The following PATJ variants were observed in gnomAD, a reference collection of about 807,000 sequenced individuals.
PATJ encodes the protein PATJ crumbs cell polarity complex component.
PATJ carries 190 observed loss-of-function variants against 224.9 expected under a neutral mutation model. The observed-to-expected ratio is 0.84, with a 90% CI of 0.75 to 0.95. The LOEUF (loss-of-function observed/expected upper bound fraction) is 0.95, where lower values mean the gene tolerates loss of function less well. Among genes scored for constraint, PATJ ranks in the 40% least tolerant of loss-of-function variants. The pLI, the probability that PATJ is intolerant of heterozygous loss-of-function variation, is 0.00. For missense variants in PATJ, 2,121 were observed against 2,270.3 expected (o/e 0.93, Z 1.34); for synonymous variants, 769 against 820.3 (o/e 0.94, Z 1.07).
At position 61,949,070 on chromosome 1, in the gene PATJ, C is replaced by T. The variant is rs570923523; in HGVS notation, c.3670+21241C>T. On this transcript the variant is annotated intron_variant, in intron 27 of 43. Coordinates refer to ENST00000642238, the MANE Select transcript of PATJ (RefSeq NM_001350145.3). ...CACACACTGGGGTCTGTTGTGGGGT[C>T]GGCGGGGAGCGGGGAGGGATTGCAT... Among the ~76,000 whole-genome samples, 26 of 73,520 alleles carry T rather than the reference C, an allele frequency of 3.5e-4. 2 individuals are homozygous for T. Among genetic ancestry groups the T allele is most frequent in the African/African-American group, 1.1e-3 (19 of 17,592 alleles). 48.2% of individuals were successfully genotyped at this position (73,520 alleles called of 152,430 possible). A position where few individuals can be genotyped will look rare whatever the true frequency, so the allele number is the denominator to read the frequency against.
intron 29 of PATJ, among the ~76,000 whole-genome samples, chr1:62,022,943 G>A (rs1426393502): frequency 1.3e-5 from 2 of 152,144 alleles, no homozygotes; most frequent in East Asian, 3.8e-4. Context: ...GTGAATGCCA[G>A]AGTCATCTTA....
chr1:62,101,682 A>T (rs763984699), intron 33 of PATJ, among the ~76,000 whole-genome samples: 4 of 152,206 alleles, frequency 2.6e-5, no homozygotes, highest in Admixed American at 6.5e-5. Flanking sequence ...TAAGTGTTTA[A>T]TTGTGGAATA....
chr1:62,012,038 G>A (rs554336314), intron 28 of PATJ, among the ~76,000 whole-genome samples: 8 of 149,862 alleles, frequency 5.3e-5, no homozygotes, highest in Non-Finnish European at 8.9e-5. Context: ...AAAAAAAAAA[G>A]CAAGCAAAAA....
chr1:61,914,332 T>C (rs1417917166), intron 25 of PATJ, among the ~76,000 whole-genome samples: 3 of 152,110 alleles, frequency 2.0e-5, no homozygotes, highest in Admixed American at 6.5e-5. Context: ...GGCAGGCGCC[T>C]ATTACCCCAG....
At chr1:61,791,898 A>G (rs1649946963) in intron 9 of PATJ, among the ~76,000 whole-genome samples, 1 of 152,224 alleles carries the variant, frequency 6.6e-6, no homozygotes, top group Non-Finnish European at 1.5e-5. Flanking sequence ...TGAAAGAAAT[A>G]AACTATGAGA....
At chr1:61,785,200 A>T (rs1351288113) in intron 7 of PATJ, among the ~76,000 whole-genome samples, 1 of 152,218 alleles carries the variant, frequency 6.6e-6, no homozygotes, top group Non-Finnish European at 1.5e-5. Context: ...GGATTAACCC[A>T]GTAGTCATTG....
At chr1:62,007,651 T>C (rs904497800) in intron 28 of PATJ, among the ~76,000 whole-genome samples, 25 of 152,218 alleles carry the variant, frequency 1.6e-4, no homozygotes, top group African/African-American at 6.0e-4. Context: ...GGGCTGACCA[T>C]AGACATCTAT....
chr1:62,102,090 G>A (rs537225049), intron 33 of PATJ, among the ~76,000 whole-genome samples: 1 of 152,130 alleles, frequency 6.6e-6, no homozygotes, highest in East Asian at 1.9e-4. Flanking sequence ...GAGGTGAGAG[G>A]ATCACTTGAG....
intron 28 of PATJ, among the ~76,000 whole-genome samples, chr1:61,997,997 T>TATATATATAA (rs1228165601): frequency 1.7e-4 from 19 of 110,980 alleles, no homozygotes; most frequent in African/African-American, 6.1e-4. Flanking sequence ...TATGTATATA[T>TATATATATAA]AATATATTAT....
chr1:62,087,950 G>A (rs1016991332), intron 33 of PATJ, among the ~76,000 whole-genome samples: 36 of 149,784 alleles, frequency 2.4e-4, no homozygotes, highest in African/African-American at 8.7e-4. Flanking sequence ...GAAGTGAAAT[G>A]GTGCAATCTC....
Position 62,073,137 on chromosome 1 carries a change from G to A in PATJ, c.4126-6313G>A, listed in dbSNP as rs116020115. 1,787 of 985,300 alleles carry A rather than the reference G, an allele frequency of 1.8e-3. 24 individuals carry two copies. In the African/African-American group the frequency reaches 0.029, roughly 16 times the overall value. 61.0% of individuals were successfully genotyped at this position (985,300 alleles called of 1,614,324 possible). On this transcript the variant is annotated intron_variant, in intron 31 of 43. Transcript: ENST00000642238. ...TTAGGTTTTGCTCTTCTGGGGTTGC[G>A]TGCGTTATAGACCGGGTTCCAAAAG...
At chr1:61,834,065 T>C (rs1659780692) in intron 17 of PATJ, among the ~76,000 whole-genome samples, 2 of 152,204 alleles carry the variant, frequency 1.3e-5, no homozygotes, top group South Asian at 2.1e-4. Context: ...TGGAGGACTT[T>C]TGTTCCTCAG....
chr1:61,868,548 G>A (rs1428698227), intron 20 of PATJ, among the ~76,000 whole-genome samples: 1 of 152,138 alleles, frequency 6.6e-6, no homozygotes, highest in Admixed American at 6.5e-5. Context: ...TAGCACTTTG[G>A]GAGGCCAAGG....
At chr1:62,059,917 A>G (rs1220525596) in intron 31 of PATJ, among the ~76,000 whole-genome samples, 2 of 152,182 alleles carry the variant, frequency 1.3e-5, no homozygotes, top group African/African-American at 2.4e-5. Context: ...TCTCAGATGC[A>G]TCATGGGCAG....
At chr1:62,153,557 C>A in intron 43 of PATJ, 76 bp downstream of exon 43, 1 of 1,019,072 alleles carries the variant, frequency 9.8e-7, no homozygotes, top group Non-Finnish European at 1.3e-6. Flanking sequence ...CTTTGCTTTG[C>A]TTTACTTTGG....
intron 24 of PATJ, 53 bp downstream of exon 24, chr1:61,901,512 A>G (rs1352904237): frequency 5.3e-6 from 7 of 1,309,970 alleles, no homozygotes; most frequent in Non-Finnish European, 6.4e-6. Flanking sequence ...AAGACAGTGA[A>G]ATAATCATTT....
At chr1:61,977,819 A>C (rs1006806136) in intron 27 of PATJ, among the ~76,000 whole-genome samples, 2 of 151,470 alleles carry the variant, frequency 1.3e-5, no homozygotes, top group African/African-American at 2.4e-5. Context: ...TTTGAGGCTT[A>C]GTACACTATG....
intron 25 of PATJ, 69 bp downstream of exon 25, chr1:61,908,551 T>A: frequency 1.1e-6 from 1 of 900,996 alleles, no homozygotes. Flanking sequence ...AGCTTTGGCC[T>A]CTAAGTATTT....
intron 41 of PATJ, among the ~76,000 whole-genome samples, chr1:62,135,123 A>C (rs1238820835): frequency 6.6e-6 from 1 of 152,134 alleles, no homozygotes; most frequent in South Asian, 2.1e-4. Context: ...TTTTTCTGGG[A>C]TATGGCATGG....
Sources: allele counts gnomAD v4.1 joint callset (sites outside exome capture counted in the v4.1 genomes callset), GRCh38; gene constraint gnomAD v4.1.1; transcripts MANE v1.5; gene names NCBI Gene and HGNC (gene_info 2026-07-23, HGNC 2026-07-21).